The following ZNF536 variants were observed in gnomAD, a reference collection of about 807,000 sequenced individuals.
ZNF536 encodes zinc finger protein 536.
A neutral mutation model predicts 84.5 loss-of-function variants in ZNF536; 13 were observed. The ratio of observed to expected loss-of-function variants is 0.15; its 90% CI spans 0.10 to 0.24. The LOEUF is 0.24. Among genes scored for constraint, ZNF536 ranks in the 10% least tolerant of loss-of-function variants. The pLI is 1.00. For missense variants in ZNF536, 1,536 were observed against 1,747.5 expected, an observed-to-expected ratio of 0.88 and a Z score of 2.16; for synonymous variants, 811 against 742.5, an observed-to-expected ratio of 1.09 and a Z score of -1.50.
At chr19:30,539,738 T>G (rs951436364) in intron 3 of ZNF536, among the ~76,000 whole-genome samples, 2 of 152,088 alleles carry the variant, frequency 1.3e-5, no homozygotes, top group Non-Finnish European at 2.9e-5. Context: ...TGTATCTGTT[T>G]TGTGTGTACA....
intron 2 of ZNF536, among the ~76,000 whole-genome samples, chr19:30,486,660 C>T (rs60602150): frequency 0.11 from 16,651 of 152,154 alleles, 1,289 homozygotes; most frequent in East Asian, 0.27. Context: ...GGTTCTAGGT[C>T]TTTGAGGATT....
intron 2 of ZNF536, among the ~76,000 whole-genome samples, chr19:30,321,864 G>A (rs750445940): frequency 6.7e-6 from 1 of 148,532 alleles, no homozygotes; most frequent in African/African-American, 2.5e-5. Flanking sequence ...AGCAACCTCC[G>A]CCTCCAAGGT....
At chr19:30,695,754 A>G (rs1448499909) in intron 1 of ZNF536, among the ~76,000 whole-genome samples, 1 of 152,122 alleles carries the variant, frequency 6.6e-6, no homozygotes, top group African/African-American at 2.4e-5. Flanking sequence ...TTCTGCCTGG[A>G]GAGGTCTCAC....
chr19:30,326,313 G>A (rs908183827), intron 2 of ZNF536, among the ~76,000 whole-genome samples: 1 of 152,220 alleles, frequency 6.6e-6, no homozygotes, highest in East Asian at 1.9e-4. Context: ...GCCCCACGGG[G>A]CGAAGAGGGG....
chr19:30,632,937 A>G (rs868312103), intron 1 of ZNF536, among the ~76,000 whole-genome samples: 5 of 152,202 alleles, frequency 3.3e-5, no homozygotes, highest in Non-Finnish European at 7.3e-5. Flanking sequence ...TAAAGGGTGG[A>G]GAGAGGAGGA....
In ZNF536 at chr19:30,549,047, A is replaced by G; in HGVS notation, c.3428A>G (p.Glu1143Gly). Residue 1143 changes from glutamate (E) to glycine (G), a missense_variant, in exon 4 of 5, where the codon GAG (glutamate) becomes GGG (glycine). Glu to Gly is a moderately conservative substitution (Grantham distance 98). Coordinates refer to ENST00000355537, the MANE Select transcript of ZNF536 (RefSeq NM_014717.3). ...CCTGATGGAAAGGCCCACTCTGAAG[A>G]GGATGTCCCCATCCTGATCCCCGAA... ...KEPDGKAHSEEDVPILIPETT... is the reference protein window; with the variant it reads ...KEPDGKAHSEGDVPILIPETT... 1 of 1,614,220 alleles carries G rather than the reference A, an allele frequency of 6.2e-7. No individual in the cohort carries two copies. The highest frequency in any genetic ancestry group is 8.5e-7 in the Non-Finnish European group (1 of 1,180,042).
intron 2 of ZNF536, among the ~76,000 whole-genome samples, chr19:30,464,329 G>A (rs566922043): frequency 6.6e-6 from 1 of 152,174 alleles, no homozygotes; most frequent in African/African-American, 2.4e-5. Flanking sequence ...CCAGCTGGGG[G>A]TGTCGACCAG....
chr19:30,614,759 C>G (rs1315382705), intron 1 of ZNF536, among the ~76,000 whole-genome samples: 1 of 151,272 alleles, frequency 6.6e-6, no homozygotes, highest in Non-Finnish European at 1.5e-5. Flanking sequence ...CCATTTCTGT[C>G]ATTTATGTTG....
intron 2 of ZNF536, among the ~76,000 whole-genome samples, chr19:30,334,630 G>A (rs114421104): frequency 6.6e-6 from 1 of 152,124 alleles, no homozygotes; most frequent in Non-Finnish European, 1.5e-5. Flanking sequence ...AAATACATAA[G>A]GACTGTGATC....
chr19:30,271,102 T>G lies in ZNF536; in HGVS notation c.-189-12970T>G, dbSNP rs568384205. 2.3e-4 allele frequency among the ~76,000 whole-genome samples: 35 copies of G among 151,990 alleles called. No homozygotes were observed. In the East Asian group the frequency reaches 5.8e-3, roughly 25 times the overall value. Reference sequence around the variant, plus strand: ...AAAGGACAGCTTTTTCTGTGAATGGTTAGGTTGGAATTTTCTGGGATAGGA... The same window carrying G: ...AAAGGACAGCTTTTTCTGTGAATGGGTAGGTTGGAATTTTCTGGGATAGGA... On this transcript the variant is annotated intron_variant, in intron 1 of 5. Coordinates refer to the ZNF536 transcript ENST00000585628.
chr19:30,679,088 C>A (rs765920495), intron 1 of ZNF536, among the ~76,000 whole-genome samples: 2 of 152,094 alleles, frequency 1.3e-5, no homozygotes, highest in Non-Finnish European at 2.9e-5. Context: ...GGTGATTTTT[C>A]TTCTGTGCAG....
intron 1 of ZNF536, among the ~76,000 whole-genome samples, chr19:30,697,018 A>T (rs1301239977): frequency 5.9e-5 from 9 of 152,146 alleles, no homozygotes. Context: ...AGGGTAATTT[A>T]TAAACAAAAG....
intron 1 of ZNF536, among the ~76,000 whole-genome samples, chr19:30,681,122 AG>A (rs34201668): frequency 6.6e-6 from 1 of 151,996 alleles, no homozygotes; most frequent in Non-Finnish European, 1.5e-5. Context: ...TCCGAACCCC[AG>A]GGGCAACCAC....
intron 1 of ZNF536, among the ~76,000 whole-genome samples, chr19:30,572,596 C>T (rs1262695561): frequency 6.6e-6 from 1 of 152,212 alleles, no homozygotes; most frequent in Non-Finnish European, 1.5e-5. Context: ...TGTACTTTAG[C>T]ACATGTGGCA....
At chr19:30,326,273 T>C (rs755993100) in intron 2 of ZNF536, among the ~76,000 whole-genome samples, 6 of 152,070 alleles carry the variant, frequency 3.9e-5, no homozygotes, top group Non-Finnish European at 8.8e-5. Flanking sequence ...GCCAATGCTG[T>C]TGGGGGAGGC....
chr19:30,681,934 C>T (rs2050988297), intron 1 of ZNF536, among the ~76,000 whole-genome samples: 1 of 152,166 alleles, frequency 6.6e-6, no homozygotes, highest in African/African-American at 2.4e-5. Flanking sequence ...GGAGGCTTCC[C>T]TGAAGTTGGG....
chr19:30,457,882 C>G (rs1051551243), intron 2 of ZNF536, among the ~76,000 whole-genome samples: 2 of 152,198 alleles, frequency 1.3e-5, no homozygotes, highest in African/African-American at 4.8e-5. Flanking sequence ...TATGTCAGAA[C>G]GTCCATCTGC....
At chr19:30,275,853 G>A (rs1400141939) in intron 1 of ZNF536, among the ~76,000 whole-genome samples, 1 of 151,918 alleles carries the variant, frequency 6.6e-6, no homozygotes, top group East Asian at 1.9e-4. Context: ...GTGTGTGTGT[G>A]TGTGTGTAAA....
intron 1 of ZNF536, among the ~76,000 whole-genome samples, chr19:30,624,318 G>A (rs1412266759): frequency 6.6e-6 from 1 of 152,128 alleles, no homozygotes; most frequent in East Asian, 1.9e-4. Flanking sequence ...GTGAGGACCT[G>A]TGCCTGTTTC....
Sources: allele counts gnomAD v4.1 joint callset (sites outside exome capture counted in the v4.1 genomes callset), GRCh38; gene constraint gnomAD v4.1.1; transcripts MANE v1.5; gene names NCBI Gene and HGNC (gene_info 2026-07-23, HGNC 2026-07-21).